The following PTPRG variants were observed in gnomAD, a reference collection of about 807,000 sequenced individuals.
PTPRG encodes protein tyrosine phosphatase receptor type G.
PTPRG carries 102 observed loss-of-function variants against 165.3 expected under a neutral mutation model. That is an observed-to-expected ratio of 0.62 (90% CI 0.53 to 0.73). PTPRG has a LOEUF of 0.73. Ranked by LOEUF, PTPRG falls within the 30% of genes least tolerant of loss-of-function variation. The probability of loss-of-function intolerance (pLI) is 0.00; values close to 1 mark genes in which losing one functional copy is unlikely to be tolerated. For synonymous variants in PTPRG, 675 were observed against 669.5 expected (o/e 1.01, Z -0.13); for missense variants, 1,866 against 1,861.4 (o/e 1.00, Z -0.05).
intron 4 of PTPRG, among the ~76,000 whole-genome samples, chr3:62,027,943 T>C (rs1216595124): frequency 6.6e-6 from 1 of 152,226 alleles, no homozygotes; most frequent in East Asian, 1.9e-4. Flanking sequence ...GCCCAACTGC[T>C]CCGGGCAAGT....
chr3:62,267,814 G>GGAA lies in PTPRG; in HGVS notation c.2872_2874dup (p.Arg959dup), dbSNP rs757929199. On this transcript the variant is annotated inframe_insertion, in exon 19 of 30. Transcript: ENST00000474889. ...GATGATTACGAACCTTGTGGAAAAA[G>GGAA]GAAGAGTAAGAGCCTTTTGACTCAC... The GGAA allele has an allele frequency of 3.1e-6, 5 of 1,612,258 alleles. No homozygotes were observed. The highest frequency in any genetic ancestry group is 4.2e-6 in the Non-Finnish European group (5 of 1,179,160).
intron 2 of PTPRG, among the ~76,000 whole-genome samples, chr3:61,927,492 T>A (rs866418796): frequency 2.8e-4 from 42 of 152,328 alleles, no homozygotes; most frequent in Middle Eastern, 6.8e-3. Flanking sequence ...AATTGTTATA[T>A]CCTGTACTAT....
rs569041982 is a variant in PTPRG at position 62,233,537 on chromosome 3, C to T, written c.2375+2226C>T. The stretch of plus-strand genomic sequence containing the variant: ...TCTCACCTTTGCCTTTTTCATTCCG[C>T]TCTCATTTTCTTTCCTGGCTTGTAT... On this transcript the variant is annotated intron_variant, in intron 14 of 29. Transcript: ENST00000474889. The surrounding 1 kb of genome is among the most constrained non-coding windows in gnomAD (Gnocchi z 4.7). Among the ~76,000 whole-genome samples, 12 of 152,320 alleles carry T rather than the reference C, an allele frequency of 7.9e-5. No homozygotes were observed. In the South Asian group the frequency reaches 2.5e-3, roughly 32 times the overall value.
At chr3:62,032,504 C>G (rs904452257) in intron 4 of PTPRG, among the ~76,000 whole-genome samples, 1 of 151,694 alleles carries the variant, frequency 6.6e-6, no homozygotes, top group Non-Finnish European at 1.5e-5. Context: ...TAGGAAGAGA[C>G]AAAACAACTG....
At chr3:62,281,268 C>T (rs1702423728) in intron 26 of PTPRG, among the ~76,000 whole-genome samples, 1 of 151,956 alleles carries the variant, frequency 6.6e-6, no homozygotes, top group African/African-American at 2.4e-5. Context: ...TTCTTTTTTA[C>T]TATGTCAATA....
chr3:61,779,363 G>T (rs888968849), intron 2 of PTPRG, among the ~76,000 whole-genome samples: 2 of 152,192 alleles, frequency 1.3e-5, no homozygotes, highest in African/African-American at 4.8e-5. Context: ...CCCTATGAGT[G>T]GCAGTAATTG....
chr3:61,900,847 C>T (rs747132438), intron 2 of PTPRG, among the ~76,000 whole-genome samples: 2 of 152,092 alleles, frequency 1.3e-5, no homozygotes, highest in African/African-American at 4.8e-5. Flanking sequence ...TGGAGTGTCA[C>T]CAGCCAGGTA....
chr3:61,808,089 A>G (rs2035470014), intron 2 of PTPRG, among the ~76,000 whole-genome samples: 1 of 152,210 alleles, frequency 6.6e-6, no homozygotes. Context: ...TTGTTATACA[A>G]ACAAAACTCA....
At chr3:61,709,548 C>T (rs2031446061) in intron 1 of PTPRG, among the ~76,000 whole-genome samples, 1 of 152,158 alleles carries the variant, frequency 6.6e-6, no homozygotes, top group Admixed American at 6.5e-5. Flanking sequence ...CTTATGACCT[C>T]AGGTGATCTG....
At chr3:62,085,300 C>A (rs185739695) in intron 5 of PTPRG, among the ~76,000 whole-genome samples, 37 of 151,474 alleles carry the variant, frequency 2.4e-4, no homozygotes, top group African/African-American at 8.1e-4. Flanking sequence ...GTGTAAGATT[C>A]TTGAGCTGGT....
chr3:62,008,644 C>T (rs953719800), intron 4 of PTPRG, among the ~76,000 whole-genome samples: 1 of 152,232 alleles, frequency 6.6e-6, no homozygotes, highest in Non-Finnish European at 1.5e-5. Context: ...CTTTTCGACA[C>T]CAGGGACTGG....
At chr3:61,773,435 A>G (rs2034272589) in intron 2 of PTPRG, among the ~76,000 whole-genome samples, 1 of 152,150 alleles carries the variant, frequency 6.6e-6, no homozygotes, top group Non-Finnish European at 1.5e-5. Context: ...AAGTGGTGAA[A>G]ACTTTCAGGG....
At chr3:62,282,366 G>A (rs1210522337) in intron 27 of PTPRG, among the ~76,000 whole-genome samples, 1 of 151,624 alleles carries the variant, frequency 6.6e-6, no homozygotes, top group Non-Finnish European at 1.5e-5. Context: ...AAAGACTATA[G>A]GCATGTACCA....
chr3:62,203,146 C>G lies in PTPRG; in HGVS notation c.1378-27C>G. 1 of 1,538,530 alleles carries G rather than the reference C, an allele frequency of 6.5e-7. No homozygotes were observed. Among genetic ancestry groups the G allele is most frequent in the Non-Finnish European group, 8.8e-7 (1 of 1,142,446 alleles). Reference sequence around the variant, plus strand: ...TGCTTTTTCTTCTTCTGCCTCTTTTCCACCCTTGCCGGGTGACCCTTTCCA... The same window carrying G: ...TGCTTTTTCTTCTTCTGCCTCTTTTGCACCCTTGCCGGGTGACCCTTTCCA... On this transcript the variant is annotated intron_variant, in intron 11 of 29. Transcript: ENST00000474889. This position sits in a 1 kb window ranked among gnomAD's most constrained non-coding sequence, Gnocchi z 6.4.
chr3:61,981,678 A>C (rs1394872718), intron 2 of PTPRG, among the ~76,000 whole-genome samples: 3 of 152,182 alleles, frequency 2.0e-5, no homozygotes, highest in Non-Finnish European at 4.4e-5. Flanking sequence ...GACTATCAAC[A>C]AATATTTTGT....
intron 1 of PTPRG, among the ~76,000 whole-genome samples, chr3:61,662,285 G>C (rs1702688947): frequency 6.6e-6 from 1 of 152,176 alleles, no homozygotes. Flanking sequence ...GAGACTTTCT[G>C]TCTTGGATAA....
chr3:61,695,860 A>G (rs375093349), intron 1 of PTPRG, among the ~76,000 whole-genome samples: 3 of 152,236 alleles, frequency 2.0e-5, no homozygotes, highest in African/African-American at 7.2e-5. Context: ...TTTTGAGATT[A>G]AAACACTACT....
In PTPRG at chr3:61,690,399, G is replaced by C. The variant is rs141031745; in HGVS notation, c.86-58479G>C. Reference sequence around the variant, plus strand: ...TCTCCAGGATAAATGGCAATTGCTTGATGCTTGATAGGGACGTATTAAATA... The same window carrying C: ...TCTCCAGGATAAATGGCAATTGCTTCATGCTTGATAGGGACGTATTAAATA... On this transcript the variant is annotated intron_variant, in intron 1 of 29. Transcript: ENST00000474889. 4.1e-4 allele frequency among the ~76,000 whole-genome samples: 63 copies of C among 152,316 alleles called. No individual in the cohort carries two copies. The East Asian group carries it at 0.011, about 28-fold the overall frequency.
At chr3:62,071,389 G>C (rs1701205810) in intron 4 of PTPRG, among the ~76,000 whole-genome samples, 1 of 152,152 alleles carries the variant, frequency 6.6e-6, no homozygotes. Context: ...CCAGGGAGCT[G>C]ACTTAGGCAC....
Sources: allele counts gnomAD v4.1 joint callset (sites outside exome capture counted in the v4.1 genomes callset), GRCh38; gene constraint gnomAD v4.1.1; non-coding constraint Gnocchi (gnomAD v3.1); transcripts MANE v1.5; gene names NCBI Gene and HGNC (gene_info 2026-07-23, HGNC 2026-07-21).